The following NAALADL2 variants were observed in gnomAD, a reference collection of about 807,000 sequenced individuals.
The protein encoded by NAALADL2 is inactive N-acetylated-alpha-linked acidic dipeptidase-like protein 2.
NAALADL2 carries 76 observed loss-of-function variants against 87.2 expected under a neutral mutation model. The ratio of observed to expected loss-of-function variants is 0.87; its 90% CI spans 0.72 to 1.05. NAALADL2 has a LOEUF of 1.05. Among genes scored for constraint, NAALADL2 ranks in the 50% least tolerant of loss-of-function variants. NAALADL2 has a pLI of 0.00. For missense variants in NAALADL2, 1,089 were observed against 945.8 expected (o/e 1.15, Z -1.99); for synonymous variants, 354 against 331.0 (o/e 1.07, Z -0.75).
intron 2 of NAALADL2, among the ~76,000 whole-genome samples, chr3:175,207,500 C>T (rs1172276581): frequency 6.6e-6 from 1 of 152,078 alleles, no homozygotes; most frequent in East Asian, 1.9e-4. Flanking sequence ...CAGGATTAGA[C>T]ATTCATAAAG....
At chr3:174,553,845 A>T (rs555797414) in intron 2 of NAALADL2, among the ~76,000 whole-genome samples, 1 of 152,270 alleles carries the variant, frequency 6.6e-6, no homozygotes, top group South Asian at 2.1e-4. Flanking sequence ...TCCATTGTAC[A>T]TTCATTTTAG....
intron 10 of NAALADL2, among the ~76,000 whole-genome samples, chr3:175,607,095 C>G (rs1723864596): frequency 2.0e-5 from 3 of 152,138 alleles, no homozygotes; most frequent in Admixed American, 6.5e-5. Flanking sequence ...TGAAGTTTGG[C>G]TTCTTTTTGA....
In NAALADL2 at chr3:175,423,017, A is replaced by G. The variant is rs541521704; in HGVS notation, c.1091-24212A>G. On this transcript the variant is annotated intron_variant, in intron 5 of 13. Coordinates refer to ENST00000454872, the MANE Select transcript of NAALADL2 (RefSeq NM_207015.3). ...CAAAGAGATGGCTCCCAGGTCCTTA[A>G]GAAAAAAAAAAATATATATATATAT... is the stretch of plus-strand genomic sequence containing the variant. Among the ~76,000 whole-genome samples the G allele has an allele frequency of 4.0e-3, 342 of 84,908 alleles. 6 individuals carry two copies. Among genetic ancestry groups the G allele is most frequent in the Admixed American group, 6.4e-3 (56 of 8,730 alleles). 55.7% of individuals were successfully genotyped at this position (84,908 alleles called of 152,430 possible).
At chr3:175,770,197 T>C (rs551015904) in intron 13 of NAALADL2, among the ~76,000 whole-genome samples, 39 of 152,248 alleles carry the variant, frequency 2.6e-4, no homozygotes, top group Non-Finnish European at 4.7e-4. Context: ...TTGGTGGGAA[T>C]GCAAATATCG....
At chr3:175,146,436 G>A (rs141260827) in intron 2 of NAALADL2, among the ~76,000 whole-genome samples, 1 of 152,092 alleles carries the variant, frequency 6.6e-6, no homozygotes, top group Non-Finnish European at 1.5e-5. Context: ...GTTTTCCCCT[G>A]TCTGCCCTCT....
At chr3:175,119,238 A>G (rs565538183) in intron 2 of NAALADL2, among the ~76,000 whole-genome samples, 3 of 151,834 alleles carry the variant, frequency 2.0e-5, no homozygotes, top group African/African-American at 7.2e-5. Context: ...TAAAGTTTGA[A>G]TAAAGTGCCA....
intron 3 of NAALADL2, among the ~76,000 whole-genome samples, chr3:174,751,551 G>T (rs1012122351): frequency 1.3e-5 from 2 of 151,140 alleles, no homozygotes; most frequent in African/African-American, 4.9e-5. Flanking sequence ...TAATCCCAGC[G>T]ACTCGGGTGG....
chr3:174,488,437 T>G (rs1376212484), intron 1 of NAALADL2, among the ~76,000 whole-genome samples: 2 of 152,190 alleles, frequency 1.3e-5, no homozygotes, highest in East Asian at 3.9e-4. Flanking sequence ...AGATAATGCC[T>G]AGGATAGAGT....
intron 7 of NAALADL2, among the ~76,000 whole-genome samples, chr3:175,465,934 A>G (rs1025436449): frequency 1.3e-5 from 2 of 152,210 alleles, no homozygotes; most frequent in African/African-American, 4.8e-5. Context: ...CTTTGTGTTG[A>G]GCATTGTTCA....
At position 175,485,302 on chromosome 3, in the gene NAALADL2, G is replaced by C. The variant is rs540503353; in HGVS notation, c.1653+13544G>C. Among the ~76,000 whole-genome samples, 31 of 152,228 alleles carry C rather than the reference G, an allele frequency of 2.0e-4. No homozygotes were observed. In the South Asian group the frequency reaches 6.2e-3, roughly 31 times the overall value. On this transcript the variant is annotated intron_variant, in intron 9 of 13. Coordinates refer to ENST00000454872, the MANE Select transcript of NAALADL2 (RefSeq NM_207015.3). ...TGGTGATGCTCACATAATGGGGTCA[G>C]AGTCTGAATTAGGTAGGATTCTCCA... is the stretch of plus-strand genomic sequence containing the variant.
chr3:175,694,821 T>C (rs1390072841), intron 11 of NAALADL2, among the ~76,000 whole-genome samples: 1 of 152,158 alleles, frequency 6.6e-6, no homozygotes, highest in East Asian at 1.9e-4. Context: ...TGTTCAACTA[T>C]CAGATTTTTA....
chr3:175,493,836 A>C (rs1193575993), intron 9 of NAALADL2, among the ~76,000 whole-genome samples: 1 of 152,122 alleles, frequency 6.6e-6, no homozygotes, highest in Non-Finnish European at 1.5e-5. Flanking sequence ...TAAATAATAG[A>C]CATACACATA....
chr3:175,568,014 C>A (rs1184172668), intron 9 of NAALADL2, among the ~76,000 whole-genome samples: 2 of 151,990 alleles, frequency 1.3e-5, no homozygotes, highest in African/African-American at 4.8e-5. Flanking sequence ...CTGCGCCCGG[C>A]CCCAAAAATT....
At chr3:175,785,029 A>T (rs1258855956) in intron 13 of NAALADL2, among the ~76,000 whole-genome samples, 1 of 151,238 alleles carries the variant, frequency 6.6e-6, no homozygotes, top group Non-Finnish European at 1.5e-5. Flanking sequence ...TGAGATTCTT[A>T]ATCCTGAGTT....
intron 11 of NAALADL2, among the ~76,000 whole-genome samples, chr3:175,680,926 A>G (rs369507785): frequency 1.3e-5 from 2 of 152,152 alleles, no homozygotes; most frequent in African/African-American, 4.8e-5. Context: ...AATCCTGGCC[A>G]ACATGGTGAA....
At chr3:175,014,274 T>A (rs181172107) in intron 1 of NAALADL2, among the ~76,000 whole-genome samples, 256 of 152,238 alleles carry the variant, frequency 1.7e-3, no homozygotes, top group African/African-American at 5.9e-3. Flanking sequence ...TATGGGTTAC[T>A]CTCTTATATC....
intron 2 of NAALADL2, among the ~76,000 whole-genome samples, chr3:174,626,598 T>G (rs963830025): frequency 6.6e-6 from 1 of 152,066 alleles, no homozygotes; most frequent in Non-Finnish European, 1.5e-5. Flanking sequence ...ATATAGCTAT[T>G]ACAATTTTTA....
In NAALADL2 at chr3:174,992,757, G is replaced by A. The variant is rs570868302; in HGVS notation, c.44-104033G>A. Reference sequence around the variant, plus strand: ...ATTTAAAAACTGAATAAAATGTACCGATTGAATATACTATTAGTCAATTTT... The same window carrying A: ...ATTTAAAAACTGAATAAAATGTACCAATTGAATATACTATTAGTCAATTTT... On this transcript the variant is annotated intron_variant, in intron 1 of 13. Coordinates refer to ENST00000454872, the MANE Select transcript of NAALADL2 (RefSeq NM_207015.3). 2.6e-5 allele frequency among the ~76,000 whole-genome samples: 4 copies of A among 152,112 alleles called. No individual in the cohort carries two copies. The East Asian group carries it at 5.8e-4, about 22-fold the overall frequency.
At chr3:175,502,496 T>C (rs1729695643) in intron 9 of NAALADL2, among the ~76,000 whole-genome samples, 1 of 152,128 alleles carries the variant, frequency 6.6e-6, no homozygotes, top group East Asian at 1.9e-4. Context: ...AACTGAAACA[T>C]TGGCTCTTCT....
Sources: allele counts gnomAD v4.1 joint callset (sites outside exome capture counted in the v4.1 genomes callset), GRCh38; gene constraint gnomAD v4.1.1; transcripts MANE v1.5; gene names NCBI Gene and HGNC (gene_info 2026-07-23, HGNC 2026-07-21).